AP3B1: variants seen among roughly 807,000 people sequenced by gnomAD.
The protein encoded by AP3B1 is AP-3 complex subunit beta-1.
Under a neutral mutation model 132.5 loss-of-function variants are expected in AP3B1, and 61 were observed. The ratio of observed to expected loss-of-function variants is 0.46; its 90% CI spans 0.37 to 0.57. AP3B1 has a LOEUF of 0.57. AP3B1 is among the 20% of genes least tolerant of loss of function. The pLI is 0.00. For synonymous variants in AP3B1, 388 were observed against 438.3 expected, an observed-to-expected ratio of 0.89 and a Z score of 1.43; for missense variants, 1,120 against 1,289.4, an observed-to-expected ratio of 0.87 and a Z score of 2.01.
At chr5:78,225,091 A>G (rs1199136952) in intron 6 of AP3B1, among the ~76,000 whole-genome samples, 1 of 152,082 alleles carries the variant, frequency 6.6e-6, no homozygotes, top group South Asian at 2.1e-4. Flanking sequence ...TGCCTACTGT[A>G]TTAGATAGCT....
chr5:78,167,858 G>C (rs1024441713), intron 11 of AP3B1, among the ~76,000 whole-genome samples: 1 of 151,866 alleles, frequency 6.6e-6, no homozygotes, highest in Non-Finnish European at 1.5e-5. Flanking sequence ...GACTTTGGGG[G>C]CTCAGGGGAA....
At chr5:78,020,837 T>A in intron 24 of AP3B1, 48 bp from the exon 25 acceptor site, 1 of 1,409,650 alleles carries the variant, frequency 7.1e-7, no homozygotes, top group Non-Finnish European at 1.0e-6. Flanking sequence ...AAATAAACAT[T>A]CTTAATACTA....
At chr5:78,053,103 C>T (rs914547649) in intron 22 of AP3B1, among the ~76,000 whole-genome samples, 5 of 152,206 alleles carry the variant, frequency 3.3e-5, no homozygotes, top group Admixed American at 6.5e-5. Flanking sequence ...AGCAGTTCTA[C>T]TGCTTTTTCA....
chr5:78,151,069 C>T (rs1753630072), intron 14 of AP3B1, among the ~76,000 whole-genome samples: 1 of 152,132 alleles, frequency 6.6e-6, no homozygotes, highest in African/African-American at 2.4e-5. Context: ...CAGGCACACA[C>T]CACCACGCCC....
At chr5:78,045,317 G>A (rs889706825) in intron 22 of AP3B1, among the ~76,000 whole-genome samples, 3 of 149,370 alleles carry the variant, frequency 2.0e-5, no homozygotes, top group Non-Finnish European at 4.4e-5. Flanking sequence ...GGAAGTGGAG[G>A]TTGCAGTGAC....
At chr5:78,104,763 AT>A (rs1402543494) in intron 20 of AP3B1, among the ~76,000 whole-genome samples, 56 of 152,140 alleles carry the variant, frequency 3.7e-4, no homozygotes, top group Admixed American at 7.9e-4. Flanking sequence ...AAATCTTAAC[AT>A]TTACTGACAT....
intron 11 of AP3B1, among the ~76,000 whole-genome samples, chr5:78,170,197 A>T (rs1743851802): frequency 6.6e-6 from 1 of 152,184 alleles, no homozygotes; most frequent in South Asian, 2.1e-4. Context: ...TGCTATTGTG[A>T]ATAGTGCCGC....
intron 11 of AP3B1, among the ~76,000 whole-genome samples, chr5:78,175,306 A>G (rs1489597561): frequency 1.3e-5 from 2 of 152,154 alleles, no homozygotes; most frequent in African/African-American, 4.8e-5. Flanking sequence ...TGTGTCAATC[A>G]TGGTGGGAGC....
At chr5:78,097,515 G>C (rs1227681746) in intron 21 of AP3B1, among the ~76,000 whole-genome samples, 1 of 105,046 alleles carries the variant, frequency 9.5e-6, no homozygotes, top group African/African-American at 3.9e-5. Context: ...AGGTGGGGGG[G>C]TCAGCCCCCC....
intron 7 of AP3B1, among the ~76,000 whole-genome samples, chr5:78,189,019 G>A (rs1338527128): frequency 6.6e-6 from 1 of 152,130 alleles, no homozygotes; most frequent in Non-Finnish European, 1.5e-5. Flanking sequence ...AGTGAGAACT[G>A]AACAATGTGA....
intron 17 of AP3B1, 85 bp downstream of exon 17, chr5:78,127,945 T>C (rs554300499): frequency 2.0e-6 from 3 of 1,516,184 alleles, no homozygotes; most frequent in Non-Finnish European, 2.7e-6. Context: ...TTTTCAACTC[T>C]CCAAAAAAGC....
chr5:78,123,016 A>G (rs1303783579), intron 17 of AP3B1, among the ~76,000 whole-genome samples: 1 of 152,250 alleles, frequency 6.6e-6, no homozygotes, highest in Non-Finnish European at 1.5e-5. Flanking sequence ...TCAATGGAAC[A>G]GAACAGAGCC....
chr5:78,086,007 A>C (rs938248442), intron 22 of AP3B1, among the ~76,000 whole-genome samples: 10 of 152,178 alleles, frequency 6.6e-5, no homozygotes, highest in Admixed American at 2.0e-4. Flanking sequence ...TCCTACCTAC[A>C]TCGAAAAAAT....
intron 22 of AP3B1, among the ~76,000 whole-genome samples, chr5:78,040,498 C>T (rs538101173): frequency 1.1e-4 from 17 of 152,036 alleles, no homozygotes; most frequent in Non-Finnish European, 2.4e-4. Context: ...TCACCTTTTA[C>T]CCTTCTATTG....
intron 15 of AP3B1, among the ~76,000 whole-genome samples, chr5:78,136,697 CACGTGTAA>C (rs1453261139): frequency 4.0e-5 from 6 of 151,190 alleles, no homozygotes; most frequent in Non-Finnish European, 8.8e-5. Flanking sequence ...AACCATTTAA[CACGTGTAA>C]AATTGTACTT....
chr5:78,205,662 C>G (rs1392556023), intron 7 of AP3B1, among the ~76,000 whole-genome samples: 1 of 152,012 alleles, frequency 6.6e-6, no homozygotes, highest in East Asian at 1.9e-4. Context: ...TTTTTAATTC[C>G]AACAACATGG....
At chr5:78,239,437 C>T (rs1190311811) in intron 3 of AP3B1, among the ~76,000 whole-genome samples, 1 of 147,558 alleles carries the variant, frequency 6.8e-6, no homozygotes, top group Non-Finnish European at 1.5e-5. Context: ...TGCCACTGCA[C>T]TCCAGCCTGG....
intron 7 of AP3B1, among the ~76,000 whole-genome samples, chr5:78,192,243 A>AG (rs1438787517): frequency 6.6e-6 from 1 of 152,164 alleles, no homozygotes; most frequent in Non-Finnish European, 1.5e-5. Context: ...ATAAACCAAG[A>AG]GAAAAAAAAG....
intron 2 of AP3B1, among the ~76,000 whole-genome samples, chr5:78,261,211 T>C (rs1178933719): frequency 2.0e-5 from 3 of 152,234 alleles, no homozygotes; most frequent in African/African-American, 7.2e-5. Context: ...AACTGTACCA[T>C]TTTACATTCC....
Sources: allele counts gnomAD v4.1 joint callset (sites outside exome capture counted in the v4.1 genomes callset), GRCh38; gene constraint gnomAD v4.1.1; transcripts MANE v1.5; gene names NCBI Gene and HGNC (gene_info 2026-07-23, HGNC 2026-07-21).